The following SPTBN2 variants were observed in gnomAD, a reference collection of about 807,000 sequenced individuals.
The protein encoded by SPTBN2 is spectrin beta chain, non-erythrocytic 2.
A neutral mutation model predicts 284.2 loss-of-function variants in SPTBN2; 107 were observed. The ratio of observed to expected loss-of-function variants is 0.38; its 90% CI spans 0.32 to 0.44. The LOEUF is 0.44. Ranked by LOEUF, SPTBN2 falls within the 20% of genes least tolerant of loss-of-function variation. The pLI, the probability that SPTBN2 is intolerant of heterozygous loss-of-function variation, is 1.00. For synonymous variants in SPTBN2, 1,289 were observed against 1,354.8 expected (o/e 0.95, Z 1.07); for missense variants, 2,569 against 3,287.1 (o/e 0.78, Z 5.34).
intron 1 of SPTBN2, among the ~76,000 whole-genome samples, chr11:66,741,645 C>CA (rs1157546844): frequency 6.6e-6 from 1 of 152,184 alleles, no homozygotes; most frequent in East Asian, 1.9e-4. Context: ...GAGCCATACT[C>CA]AAAGCCTCCT....
At position 66,721,366 on chromosome 11, in the gene SPTBN2, T is replaced by C. The variant is rs981764408; in HGVS notation, c.-39A>G. On this transcript the variant is annotated 5_prime_UTR_variant, in exon 2 of 38. Transcript: ENST00000533211. ...TTGCCCTACCTGTGCTCCGCTCTCC[T>C]TGTGGCCAGAGGCTGCGGTTGGCTG... 4.5e-5 allele frequency: 61 copies of C among 1,354,094 alleles called. No homozygotes were observed. The highest frequency in any genetic ancestry group is 5.9e-5 in the Non-Finnish European group (56 of 955,186). 83.9% of individuals were successfully genotyped at this position (1,354,094 alleles called of 1,614,324 possible).
Position 66,708,934 on chromosome 11 carries a change from G to A in SPTBN2, c.1159C>T (p.Arg387Cys), listed in dbSNP as rs1002318320. The A allele has an allele frequency of 1.4e-5, 23 of 1,613,942 alleles. No individual in the cohort carries two copies. The highest frequency in any genetic ancestry group is 8.0e-5 in the African/African-American group (6 of 74,892). The change falls in exon 11 of 38, where the codon CGC (arginine) becomes TGC (cysteine). Residue 387 changes from arginine (R) to cysteine (C), a missense_variant. Arg to Cys is a radical substitution (Grantham distance 180). Transcript: ENST00000533211. The surrounding 1 kb of genome is among the most constrained non-coding windows in gnomAD (Gnocchi z 4.4). ...ATGTCCGAGATGAGCCGGCCCTCGC[G>A]GGGCGTGTAGACCTTCTGGTTGTTG... ...RANNQKVYTPREGRLISDINK... is the reference protein window; with the variant it reads ...RANNQKVYTPCEGRLISDINK...
In SPTBN2 at chr11:66,708,852, C is replaced by G; in HGVS notation, c.1191+50G>C. ...GGGTTTGGGGATGTGTGCAAGGCAT[C>G]TGGGCCAGGGCCTGCCCTGAGGGTG... On this transcript the variant is annotated intron_variant, in intron 11 of 37. Coordinates refer to ENST00000533211, the MANE Select transcript of SPTBN2 (RefSeq NM_006946.4). The surrounding 1 kb of genome is among the most constrained non-coding windows in gnomAD (Gnocchi z 4.4). The G allele has an allele frequency of 6.6e-7, 1 of 1,518,920 alleles. No individual in the cohort carries two copies. The highest frequency in any genetic ancestry group is 9.1e-7 in the Non-Finnish European group (1 of 1,095,046). The allele number at this position is 1,518,920 out of a possible 1,614,324, so 94.1% of individuals were successfully genotyped here. A position where few individuals can be genotyped will look rare whatever the true frequency, so the allele number is the denominator to read the frequency against.
At chr11:66,721,292 G>A in intron 2 of SPTBN2, 30 bp from the exon 3 acceptor site, 1 of 1,611,600 alleles carries the variant, frequency 6.2e-7, no homozygotes, top group Non-Finnish European at 8.5e-7. Context: ...AGTGAGGGGT[G>A]TCCAGGGACC....
At position 66,705,487 on chromosome 11, in the gene SPTBN2, A is replaced by G. The variant is rs1329660352; in HGVS notation, c.1808-19T>C. 1.9e-6 allele frequency: 3 copies of G among 1,612,826 alleles called. No homozygotes were observed. The highest frequency in any genetic ancestry group is 2.5e-6 in the Non-Finnish European group (3 of 1,180,010). On this transcript the variant is annotated intron_variant, in intron 14 of 37. Transcript: ENST00000533211. ...CTATACTCTGAGAAAGTCACAGGAGAGGGTCAGAGCCTTAACCCAGCCCTC... is the reference window on the plus strand; with the variant it reads ...CTATACTCTGAGAAAGTCACAGGAGGGGGTCAGAGCCTTAACCCAGCCCTC...
chr11:66,693,579 T>G lies in SPTBN2; in HGVS notation c.4594-133A>C. 1 of 1,446,986 alleles carries G rather than the reference T, an allele frequency of 6.9e-7. No homozygotes were observed. Among genetic ancestry groups the G allele is most frequent in the South Asian group, 1.2e-5 (1 of 80,800 alleles). The allele number at this position is 1,446,986 out of a possible 1,614,324, so 89.6% of individuals were successfully genotyped here. A position where few individuals can be genotyped will look rare whatever the true frequency, so the allele number is the denominator to read the frequency against. ...TCCCTCTCCTAGCCTGGGGGTGCGA[T>G]GGTAACACCCGTCAGCCGCCCAGCC... On this transcript the variant is annotated intron_variant, in intron 23 of 37. Coordinates refer to ENST00000533211, the MANE Select transcript of SPTBN2 (RefSeq NM_006946.4). This position sits in a 1 kb window ranked among gnomAD's most constrained non-coding sequence, Gnocchi z 5.7.
intron 1 of SPTBN2, among the ~76,000 whole-genome samples, chr11:66,734,904 A>C (rs1451610727): frequency 6.6e-5 from 10 of 152,168 alleles, no homozygotes; most frequent in Admixed American, 2.6e-4. Flanking sequence ...TCCATCACTT[A>C]AGCAGCAGCA....
At chr11:66,686,517 T>C (rs892314614) in intron 36 of SPTBN2, 77 bp from the exon 37 acceptor site, 2 of 1,525,686 alleles carry the variant, frequency 1.3e-6, no homozygotes, top group Non-Finnish European at 9.1e-7. Context: ...AGCGTAATCA[T>C]GACCCAACAC....
At position 66,708,256 on chromosome 11, in the gene SPTBN2, G is replaced by T. The variant is rs140454154; in HGVS notation, c.1235C>A (p.Ala412Asp). Residue 412 changes from alanine (A) to aspartate (D), a missense_variant, in exon 12 of 38, where the codon GCC becomes GAC. Physicochemically the swap from Ala to Asp is moderately radical, Grantham distance 126 (BLOSUM62 -2). Coordinates refer to ENST00000533211, the MANE Select transcript of SPTBN2 (RefSeq NM_006946.4). The surrounding 1 kb of genome is among the most constrained non-coding windows in gnomAD (Gnocchi z 4.4). ...LEKAEHEREL[A>D]LRTELIRQEK... ...CTGGCGGATGAGCTCGGTGCGCAGG[G>T]CCAGCTCACGCTCGTGCTCCGCCTT... 2 of 1,607,926 alleles carry T rather than the reference G, an allele frequency of 1.2e-6. No homozygotes were observed. The highest frequency in any genetic ancestry group is 2.7e-5 in the African/African-American group (2 of 74,874).
intron 1 of SPTBN2, among the ~76,000 whole-genome samples, chr11:66,725,550 A>C (rs535592506): frequency 6.6e-6 from 1 of 152,184 alleles, no homozygotes; most frequent in African/African-American, 2.4e-5. Context: ...ACCCCCTGTC[A>C]TGAGGAAGCT....
chr11:66,707,928 C>A lies in SPTBN2; in HGVS notation c.1351-110G>T. 6.9e-7 allele frequency: 1 copy of A among 1,451,208 alleles called. No homozygotes were observed. Among genetic ancestry groups the A allele is most frequent in the Non-Finnish European group, 9.4e-7 (1 of 1,069,060 alleles). The allele number at this position is 1,451,208 out of a possible 1,614,324, so 89.9% of individuals were successfully genotyped here. ...GCAAGATCCCAGCTCCATGCGGTGG[C>A]TCTAAGTTCCCTCTCTATCCCACCC... On this transcript the variant is annotated intron_variant, in intron 12 of 37. Coordinates refer to ENST00000533211, the MANE Select transcript of SPTBN2 (RefSeq NM_006946.4). This position sits in a 1 kb window ranked among gnomAD's most constrained non-coding sequence, Gnocchi z 4.9.
intron 13 of SPTBN2, 127 bp from the exon 14 acceptor site, chr11:66,705,964 A>G (rs1941535456): frequency 7.6e-7 from 1 of 1,321,068 alleles, no homozygotes; most frequent in Non-Finnish European, 1.0e-6. Context: ...TTGCTCACAC[A>G]TACTTGAGAT....
At chr11:66,714,948 A>G (rs1264916751) in intron 5 of SPTBN2, among the ~76,000 whole-genome samples, 2 of 152,182 alleles carry the variant, frequency 1.3e-5, no homozygotes, top group Non-Finnish European at 2.9e-5. Context: ...CTGTGGACCA[A>G]CCTGTGGTCC....
Position 66,708,008 on chromosome 11 carries a change from G to T in SPTBN2, c.1350+133C>A. 1 of 1,484,440 alleles carries T rather than the reference G, an allele frequency of 6.7e-7. No individual in the cohort carries two copies. Among genetic ancestry groups the T allele is most frequent in the Non-Finnish European group, 9.3e-7 (1 of 1,076,668 alleles). 92.0% of individuals were successfully genotyped at this position (1,484,440 alleles called of 1,614,324 possible). On this transcript the variant is annotated intron_variant, in intron 12 of 37. Coordinates refer to ENST00000533211, the MANE Select transcript of SPTBN2 (RefSeq NM_006946.4). This position sits in a 1 kb window ranked among gnomAD's most constrained non-coding sequence, Gnocchi z 4.4. ...TCCCACCCTCTGGCCCCTGGCTCCC[G>T]GACCTCTAGGCCTTTTTACCCAGGT...
At chr11:66,704,542 G>T in intron 15 of SPTBN2, 56 bp downstream of exon 15, 1 of 1,570,310 alleles carries the variant, frequency 6.4e-7, no homozygotes, top group Non-Finnish European at 8.7e-7. Context: ...CCCACATCCT[G>T]GCCCCCCCAC....
rs758239560 is a variant in SPTBN2 at position 66,696,522 on chromosome 11, G to A, written c.4033C>T (p.Leu1345Phe). 3.7e-6 allele frequency: 6 copies of A among 1,611,854 alleles called. No individual in the cohort carries two copies. In the Admixed American group the frequency reaches 8.3e-5, roughly 22 times the overall value. ...AGGGCTTTCAGCTCTGGCTTCTCAAGGGTGAGCTCTCGCCCTTCCTGGAAG... is the reference window on the plus strand; with the variant it reads ...AGGGCTTTCAGCTCTGGCTTCTCAAAGGTGAGCTCTCGCCCTTCCTGGAAG... ...KVDKEGRELT[L>F]EKPELKALVS... is the part of the protein sequence containing the mutation. The change falls in exon 21 of 38, where the codon CTT (leucine) becomes TTT (phenylalanine). Residue 1345 changes from leucine (L) to phenylalanine (F), a missense_variant. Coordinates refer to ENST00000533211, the MANE Select transcript of SPTBN2 (RefSeq NM_006946.4).
At position 66,708,017 on chromosome 11, in the gene SPTBN2, G is replaced by C. The variant is rs901878827; in HGVS notation, c.1350+124C>G. ...CTGGCCCCTGGCTCCCGGACCTCTAGGCCTTTTTACCCAGGTGACGGATTT... is the reference window on the plus strand; with the variant it reads ...CTGGCCCCTGGCTCCCGGACCTCTACGCCTTTTTACCCAGGTGACGGATTT... On this transcript the variant is annotated intron_variant, in intron 12 of 37. Transcript: ENST00000533211. This position sits in a 1 kb window ranked among gnomAD's most constrained non-coding sequence, Gnocchi z 4.4. 6.6e-7 allele frequency: 1 copy of C among 1,519,298 alleles called. No homozygotes were observed. The highest frequency in any genetic ancestry group is 1.4e-5 in the African/African-American group (1 of 72,964). 94.1% of individuals were successfully genotyped at this position (1,519,298 alleles called of 1,614,324 possible).
chr11:66,722,443 G>A (rs572708666), intron 1 of SPTBN2, among the ~76,000 whole-genome samples: 7 of 151,994 alleles, frequency 4.6e-5, no homozygotes, highest in South Asian at 2.1e-4. Flanking sequence ...GGGTGTGGTG[G>A]TGGGTGCCTG....
chr11:66,705,355 G>C lies in SPTBN2; in HGVS notation c.1921C>G (p.Arg641Gly). Reference sequence around the variant, plus strand: ...TCCCAGAGGAAACGCCAGAGCCGCCGTGATTCCTCCAGCCGGGCCCGCCGC... The same window carrying C: ...TCCCAGAGGAAACGCCAGAGCCGCCCTGATTCCTCCAGCCGGGCCCGCCGC... ...AARRARLEESRRLWRFLWEVG... is the reference protein window; with the variant it reads ...AARRARLEESGRLWRFLWEVG... Residue 641 changes from arginine (R) to glycine (G), a missense_variant, in exon 15 of 38, where the codon CGG becomes GGG. Around this residue, in one of 6 missense-constraint regions of SPTBN2, gnomAD observed 1,012 missense variants for 1,248.9 expected, o/e 0.81. Coordinates refer to ENST00000533211, the MANE Select transcript of SPTBN2 (RefSeq NM_006946.4). The C allele has an allele frequency of 6.2e-7, 1 of 1,611,966 alleles. No homozygotes were observed. Among genetic ancestry groups the C allele is most frequent in the Non-Finnish European group, 8.5e-7 (1 of 1,179,814 alleles).
Sources: allele counts gnomAD v4.1 joint callset (sites outside exome capture counted in the v4.1 genomes callset), GRCh38; gene constraint gnomAD v4.1.1; regional missense constraint gnomAD v4.1.1; non-coding constraint Gnocchi (gnomAD v3.1); transcripts MANE v1.5; gene names NCBI Gene and HGNC (gene_info 2026-07-23, HGNC 2026-07-21).